MAML3: variants seen among roughly 807,000 people sequenced by gnomAD.
MAML3 encodes mastermind-like protein 3.
Under a neutral mutation model 101.9 loss-of-function variants are expected in MAML3, and 27 were observed. The observed-to-expected ratio is 0.27, with a 90% CI of 0.20 to 0.37. MAML3 has a LOEUF of 0.37. MAML3 is among the 10% of genes least tolerant of loss of function. The probability of loss-of-function intolerance (pLI) is 1.00; values close to 1 mark genes in which losing one functional copy is unlikely to be tolerated. For missense variants in MAML3, 1,316 were observed against 1,444.9 expected (o/e 0.91, Z 1.45); for synonymous variants, 501 against 555.9 (o/e 0.90, Z 1.39).
intron 1 of MAML3, among the ~76,000 whole-genome samples, chr4:140,130,657 G>A (rs1484490527): frequency 6.6e-6 from 1 of 152,138 alleles, no homozygotes; most frequent in Non-Finnish European, 1.5e-5. Context: ...GTAACTGAAA[G>A]ACAAGAAAAG....
intron 2 of MAML3, among the ~76,000 whole-genome samples, chr4:139,823,691 C>CTGTCTAACATACATAGTA (rs1290274479): frequency 2.0e-5 from 3 of 151,760 alleles, no homozygotes; most frequent in African/African-American, 7.3e-5. Flanking sequence ...GCACTTATAA[C>CTGTCTAACATACATAGTA]TGTCTAACAT....
At chr4:139,799,979 A>G (rs1236103107) in intron 2 of MAML3, among the ~76,000 whole-genome samples, 1 of 152,194 alleles carries the variant, frequency 6.6e-6, no homozygotes, top group African/African-American at 2.4e-5. Flanking sequence ...TATTTATAAT[A>G]TCAGGAAAAA....
intron 2 of MAML3, among the ~76,000 whole-genome samples, chr4:139,839,080 GA>G (rs1260988396): frequency 1.3e-5 from 2 of 152,306 alleles, no homozygotes; most frequent in South Asian, 4.2e-4. Flanking sequence ...CTGACTGCTT[GA>G]AGCCAGGTGG....
At chr4:140,035,594 A>G (rs1455880466) in intron 1 of MAML3, among the ~76,000 whole-genome samples, 1 of 152,126 alleles carries the variant, frequency 6.6e-6, no homozygotes, top group African/African-American at 2.4e-5. Flanking sequence ...CAGGAGATCA[A>G]GACCATCCTG....
chr4:139,797,950 AG>A (rs1730539661), intron 2 of MAML3, among the ~76,000 whole-genome samples: 1 of 151,860 alleles, frequency 6.6e-6, no homozygotes, highest in African/African-American at 2.4e-5. Context: ...TAAAAAAGGA[AG>A]GGGTGAAGGG....
chr4:139,881,360 A>C (rs1432835110), intron 2 of MAML3, among the ~76,000 whole-genome samples: 2 of 152,128 alleles, frequency 1.3e-5, no homozygotes, highest in East Asian at 1.9e-4. Flanking sequence ...CAGCATCACC[A>C]CCATTTCTTA....
chr4:139,947,359 C>T (rs1255166318), intron 1 of MAML3, among the ~76,000 whole-genome samples: 1 of 152,174 alleles, frequency 6.6e-6, no homozygotes, highest in African/African-American at 2.4e-5. Context: ...TAGTCTTCTA[C>T]ACAGGCTGCC....
At position 139,864,931 on chromosome 4, in the gene MAML3, T is replaced by G. The variant is rs1017412154; in HGVS notation, c.2079+24426A>C. 2.4e-3 allele frequency among the ~76,000 whole-genome samples: 340 copies of G among 139,568 alleles called. 15 individuals are homozygous for G. The highest frequency in any genetic ancestry group is 8.8e-3 in the African/African-American group (325 of 36,974). 91.6% of individuals were successfully genotyped at this position (139,568 alleles called of 152,430 possible). A position where few individuals can be genotyped will look rare whatever the true frequency, so the allele number is the denominator to read the frequency against. ...ATAGTAATGCAAACTTGCTTTTTTT[T>G]TTTTTTTTTTTTTTTTTTTTTTGCC... On this transcript the variant is annotated intron_variant, in intron 2 of 4. Coordinates refer to ENST00000509479, the MANE Select transcript of MAML3 (RefSeq NM_018717.5).
chr4:140,080,959 A>G (rs1156898565), intron 1 of MAML3, among the ~76,000 whole-genome samples: 1 of 152,232 alleles, frequency 6.6e-6, no homozygotes, highest in Non-Finnish European at 1.5e-5. Context: ...AATATAGCCA[A>G]ATATTTACAC....
chr4:139,827,609 GT>G (rs1333484500), intron 2 of MAML3, among the ~76,000 whole-genome samples: 1 of 152,124 alleles, frequency 6.6e-6, no homozygotes, highest in Non-Finnish European at 1.5e-5. Context: ...CAATATCTTT[GT>G]TAATTAAGCA....
intron 2 of MAML3, among the ~76,000 whole-genome samples, chr4:139,805,409 G>A (rs192602989): frequency 2.0e-5 from 3 of 152,258 alleles, no homozygotes; most frequent in Admixed American, 2.0e-4. Flanking sequence ...CTTCTGGCTT[G>A]TCAGGTTTTG....
chr4:139,857,243 T>C (rs1731677122), intron 2 of MAML3, among the ~76,000 whole-genome samples: 1 of 152,170 alleles, frequency 6.6e-6, no homozygotes, highest in Admixed American at 6.5e-5. Flanking sequence ...TTTATTTGGC[T>C]GTGTGCACCC....
chr4:139,841,935 G>A (rs185004557), intron 2 of MAML3, among the ~76,000 whole-genome samples: 2 of 152,346 alleles, frequency 1.3e-5, no homozygotes, highest in Admixed American at 1.3e-4. Context: ...TGCCACCTGG[G>A]CTAGAGACAA....
chr4:139,772,998 A>G (rs961026115), intron 2 of MAML3, among the ~76,000 whole-genome samples: 1 of 152,158 alleles, frequency 6.6e-6, no homozygotes, highest in African/African-American at 2.4e-5. Flanking sequence ...CTCTATGATC[A>G]TAGGATAATA....
Position 140,016,558 on chromosome 4 carries a change from G to C in MAML3, c.469-125591C>G, listed in dbSNP as rs144128603. On this transcript the variant is annotated intron_variant, in intron 1 of 4. Coordinates refer to ENST00000509479, the MANE Select transcript of MAML3 (RefSeq NM_018717.5). The stretch of plus-strand genomic sequence containing the variant: ...TACTGTATATAGTTATGGTAATCAA[G>C]ACTGTGGGGTACTAGTGAAGAGACA... 7.2e-5 allele frequency among the ~76,000 whole-genome samples: 11 copies of C among 152,262 alleles called. No individual in the cohort carries two copies. The East Asian group carries it at 2.1e-3, about 29-fold the overall frequency.
At chr4:140,129,959 C>T (rs558612204) in intron 1 of MAML3, among the ~76,000 whole-genome samples, 3 of 150,018 alleles carry the variant, frequency 2.0e-5, no homozygotes, top group African/African-American at 7.3e-5. Flanking sequence ...GAGCGAAACT[C>T]CGTCTCAAAA....
chr4:140,011,337 G>GTTTTTTTTTTTT (rs1394373852), intron 1 of MAML3, among the ~76,000 whole-genome samples: 1 of 109,816 alleles, frequency 9.1e-6, no homozygotes, highest in Non-Finnish European at 1.9e-5. Context: ...AGGTTTTCTT[G>GTTTTTTTTTTTT]TTTTGTTTTT....
rs116741883 is a variant in MAML3 at position 139,933,169 on chromosome 4, T to G, written c.469-42202A>C. Among the ~76,000 whole-genome samples, 1,085 of 148,314 alleles carry G rather than the reference T, an allele frequency of 7.3e-3. 9 individuals are homozygous for G. The highest frequency in any genetic ancestry group is 0.026 in the African/African-American group (1,034 of 40,224). On this transcript the variant is annotated intron_variant, in intron 1 of 4. Coordinates refer to ENST00000509479, the MANE Select transcript of MAML3 (RefSeq NM_018717.5). ...AGCAAGGAAGGAAGGAGGGAAAGAG[T>G]GGGGAAGGAAGGAAGAAAAGAAAGG...
chr4:139,717,363 T>C lies in MAML3; in HGVS notation c.*1960A>G, dbSNP rs1728020556. On this transcript the variant is annotated 3_prime_UTR_variant, in exon 5 of 5. Transcript: ENST00000509479. The stretch of plus-strand genomic sequence containing the variant: ...GAAAAGGTAATTATGTTTTGTGTCT[T>C]CTCATTTGTTTGTTTGCTTTTTTTT... The C allele has an allele frequency of 6.6e-6, 1 of 152,584 alleles. No individual in the cohort carries two copies. Among genetic ancestry groups the C allele is most frequent in the Non-Finnish European group, 1.5e-5 (1 of 68,048 alleles). 9.5% of individuals were successfully genotyped at this position (152,584 alleles called of 1,614,324 possible).
Sources: gnomAD v4.1 joint callset for allele counts (sites outside exome capture counted in the v4.1 genomes callset) on GRCh38, gnomAD v4.1.1 for gene constraint, MANE v1.5 for transcripts, NCBI Gene and HGNC (gene_info 2026-07-23, HGNC 2026-07-21) for gene names.